The following OGG1 variants were observed in gnomAD, a reference collection of about 807,000 sequenced individuals.
The protein encoded by OGG1 is N-glycosylase/DNA lyase.
Under a neutral mutation model 42.3 loss-of-function variants are expected in OGG1, and 35 were observed. The ratio of observed to expected loss-of-function variants is 0.83; its 90% confidence interval spans 0.63 to 1.10. The LOEUF is 1.10. Among genes scored for constraint, OGG1 ranks in the 50% least tolerant of loss-of-function variants. OGG1 has a pLI of 0.00. For synonymous variants in OGG1, 189 were observed against 179.0 expected (o/e 1.06, Z -0.44); for missense variants, 484 against 446.7 (o/e 1.08, Z -0.75).
chr3:9,765,566 G>A (rs532542005), intron 7 of OGG1, among the ~76,000 whole-genome samples: 1 of 152,274 alleles, frequency 6.6e-6, no homozygotes, highest in East Asian at 1.9e-4. Context: ...TGTCATGTTA[G>A]GCCAGGCACT....
chr3:9,753,858 C>T (rs1040168737), intron 3 of OGG1, among the ~76,000 whole-genome samples: 2 of 152,168 alleles, frequency 1.3e-5, no homozygotes, highest in African/African-American at 4.8e-5. Context: ...CGGCGTTAGC[C>T]AGGTGGGGTA....
intron 3 of OGG1, among the ~76,000 whole-genome samples, chr3:9,753,268 T>A (rs2077385365): frequency 7.0e-6 from 1 of 142,768 alleles, no homozygotes; most frequent in South Asian, 2.2e-4. Context: ...CATTTGAACC[T>A]GGGAAGCAGA....
Position 9,756,644 on chromosome 3 carries a change from G to T in OGG1, c.898+23G>T, listed in dbSNP as rs201514979. 5.0e-6 allele frequency: 8 copies of T among 1,612,422 alleles called. No individual in the cohort carries two copies. In the East Asian group the frequency reaches 1.6e-4, roughly 31 times the overall value. On this transcript the variant is annotated intron_variant, in intron 5 of 6. Transcript: ENST00000344629. The stretch of plus-strand genomic sequence containing the variant: ...TGGGTGAGGAAAGTGGGCTGCAGGG[G>T]CTGGCAGTGGGCTGGGATGGTAGAA...
intron 2 of OGG1, among the ~76,000 whole-genome samples, chr3:9,779,336 C>A (rs544481238): frequency 6.6e-6 from 1 of 152,182 alleles, no homozygotes; most frequent in African/African-American, 2.4e-5. Context: ...CTTCTTGCTT[C>A]TGTAGATGGG....
exon 8 of OGG1, chr3:9,766,509 A>C: frequency 2.4e-6 from 1 of 422,102 alleles, no homozygotes; most frequent in Non-Finnish European, 4.1e-6. Context: ...AGAAATGCAA[A>C]ACTTTAGGCC....
Position 9,754,696 on chromosome 3 carries a change from C to T in OGG1, c.566-8C>T. 6.2e-7 allele frequency: 1 copy of T among 1,613,868 alleles called. No individual in the cohort carries two copies. Among genetic ancestry groups the T allele is most frequent in the Non-Finnish European group, 8.5e-7 (1 of 1,179,920 alleles). ...CCTGATGCTTGCCCTCCTCCTCACT[C>T]CCCGCAGGGCCAGAGGTGGAGGCTC... On this transcript the variant is annotated splice_region_variant and splice_polypyrimidine_tract_variant and intron_variant, in intron 3 of 6. Coordinates refer to ENST00000344629, the MANE Select transcript of OGG1 (RefSeq NM_002542.6).
exon 8 of OGG1, chr3:9,765,893 A>C (rs766849418): frequency 6.2e-7 from 1 of 1,613,456 alleles, no homozygotes; most frequent in East Asian, 2.2e-5. Flanking sequence ...AGGCCCCCCT[A>C]TCGGGAGAGG....
exon 4 of OGG1, chr3:9,787,773 A>G (rs547270858): frequency 4.2e-6 from 5 of 1,204,154 alleles, no homozygotes; most frequent in Non-Finnish European, 4.4e-6. Context: ...GAGAGAGATC[A>G]AAGTGTTGTG....
intron 3 of OGG1, among the ~76,000 whole-genome samples, chr3:9,782,386 A>T (rs2078496639): frequency 6.6e-6 from 1 of 152,224 alleles, no homozygotes; most frequent in Non-Finnish European, 1.5e-5. Flanking sequence ...GTAAACAACG[A>T]AAATAGCTCC....
downstream of OGG1, chr3:9,758,470 A>C (rs1260388466): frequency 6.5e-6 from 1 of 154,612 alleles, no homozygotes. Context: ...ATGTCTTGTC[A>C]GTTTCACCTC....
intron 2 of OGG1, among the ~76,000 whole-genome samples, chr3:9,774,156 C>T (rs2078335831): frequency 6.6e-6 from 1 of 152,136 alleles, no homozygotes; most frequent in Non-Finnish European, 1.5e-5. Context: ...ACTCCTGAAT[C>T]CCAGCACTTT....
At chr3:9,759,358 C>T, downstream of OGG1, 2 of 1,545,918 alleles carry the variant, frequency 1.3e-6, no homozygotes, top group East Asian at 2.2e-5. Context: ...TGAATGAAGT[C>T]CTTCAGTAAG....
At chr3:9,756,332 G>C (rs1484563826) in intron 4 of OGG1, 139 bp from the exon 5 acceptor site, 2 of 826,986 alleles carry the variant, frequency 2.4e-6, no homozygotes, top group East Asian at 2.6e-5. Flanking sequence ...TGTATTCATA[G>C]ATAGTATCTG....
At chr3:9,774,457 T>A (rs568054412) in intron 2 of OGG1, among the ~76,000 whole-genome samples, 7 of 152,156 alleles carry the variant, frequency 4.6e-5, no homozygotes, top group South Asian at 2.1e-4. Context: ...TACTTTTTTT[T>A]AACTTTTTTT....
At chr3:9,761,418 A>G (rs753298816), downstream of OGG1, 1 of 1,572,126 alleles carries the variant, frequency 6.4e-7, no homozygotes, top group South Asian at 1.2e-5. Flanking sequence ...AGGCGAGAGG[A>G]CAACTCTGGA....
chr3:9,761,285 G>A (rs891328325), downstream of OGG1: 1 of 659,696 alleles, frequency 1.5e-6, no homozygotes, highest in South Asian at 2.2e-5. Context: ...TGCTTGCTTG[G>A]CACAGTGCTT....
At chr3:9,764,709 C>T (rs7652723) in intron 7 of OGG1, among the ~76,000 whole-genome samples, 4 of 148,288 alleles carry the variant, frequency 2.7e-5, no homozygotes, top group East Asian at 4.1e-4. Flanking sequence ...CTCGGCTCAC[C>T]GCAACCTCCA....
At chr3:9,770,686 G>C (rs910928377), downstream of OGG1, among the ~76,000 whole-genome samples, 1 of 152,184 alleles carries the variant, frequency 6.6e-6, no homozygotes, top group African/African-American at 2.4e-5. Context: ...TTGATGGCTG[G>C]GGTCCAGGTT....
intron 2 of OGG1, chr3:9,780,621 G>A (rs747333633): frequency 2.2e-4 from 330 of 1,471,420 alleles, no homozygotes; most frequent in African/African-American, 4.1e-4. Flanking sequence ...CTTCAAGACC[G>A]AGCCTACCCA....
Sources: allele counts gnomAD v4.1 joint callset (sites outside exome capture counted in the v4.1 genomes callset), GRCh38; gene constraint gnomAD v4.1.1; transcripts MANE v1.5; gene names NCBI Gene and HGNC (gene_info 2026-07-23, HGNC 2026-07-21).